GALNT7: variants seen among roughly 807,000 people sequenced by gnomAD.
GALNT7 encodes the protein N-acetylgalactosaminyltransferase 7.
GALNT7 carries 60 observed loss-of-function variants against 82.1 expected under a neutral mutation model. The ratio of observed to expected loss-of-function variants is 0.73; its 90% CI spans 0.59 to 0.91. The LOEUF (loss-of-function observed/expected upper bound fraction) is 0.91, where lower values mean the gene tolerates loss of function less well. Among genes scored for constraint, GALNT7 ranks in the 40% least tolerant of loss-of-function variants. The pLI, the probability that GALNT7 is intolerant of heterozygous loss-of-function variation, is 0.00. For missense variants in GALNT7, 660 were observed against 804.2 expected (o/e 0.82, Z 2.17); for synonymous variants, 243 against 275.1 (o/e 0.88, Z 1.15).
At chr4:173,213,013 G>C (rs990696130) in intron 1 of GALNT7, among the ~76,000 whole-genome samples, 3 of 152,084 alleles carry the variant, frequency 2.0e-5, no homozygotes, top group African/African-American at 4.8e-5. Flanking sequence ...ACAAATGGAT[G>C]TAATTGTATA....
At chr4:173,185,770 TTGTA>T (rs1382549688) in intron 1 of GALNT7, among the ~76,000 whole-genome samples, 2 of 152,168 alleles carry the variant, frequency 1.3e-5, no homozygotes, top group Non-Finnish European at 2.9e-5. Context: ...AGTCTGCAGT[TTGTA>T]TGAACCGTGT....
rs185400725 is a variant in GALNT7, at chr4:173,224,966, A to G, written c.127-23014A>G. Among the ~76,000 whole-genome samples, 1,450 of 151,470 alleles carry G rather than the reference A, an allele frequency of 9.6e-3. 26 individuals carry two copies. Among genetic ancestry groups the G allele is most frequent in the Non-Finnish European group, 7.9e-3 (535 of 67,858 alleles). On this transcript the variant is annotated intron_variant, in intron 1 of 11. Transcript: ENST00000265000. ...GGAGGCGGAGCTTGCAGTGAGCCGAAATTGTGCCACTGCACTCTAGCCTGG... is the reference window on the plus strand; with the variant it reads ...GGAGGCGGAGCTTGCAGTGAGCCGAGATTGTGCCACTGCACTCTAGCCTGG...
intron 1 of GALNT7, among the ~76,000 whole-genome samples, chr4:173,218,351 A>G (rs1733536273): frequency 6.6e-6 from 1 of 152,232 alleles, no homozygotes; most frequent in East Asian, 1.9e-4. Flanking sequence ...TCCAATTGAA[A>G]AAACGTGAGA....
intron 2 of GALNT7, among the ~76,000 whole-genome samples, chr4:173,287,472 C>G (rs1158138367): frequency 2.0e-5 from 3 of 152,244 alleles, no homozygotes; most frequent in Non-Finnish European, 4.4e-5. Context: ...AGGGGTAGTG[C>G]AGACTTGAAG....
chr4:173,224,996 C>T (rs1386564110), intron 1 of GALNT7, among the ~76,000 whole-genome samples: 1 of 148,538 alleles, frequency 6.7e-6, no homozygotes, highest in Non-Finnish European at 1.5e-5. Context: ...GCCTGGACGA[C>T]AGAGCGAGAC....
At chr4:173,215,381 C>CAAT (rs1733412491) in intron 1 of GALNT7, among the ~76,000 whole-genome samples, 1 of 152,060 alleles carries the variant, frequency 6.6e-6, no homozygotes, top group African/African-American at 2.4e-5. Context: ...CAGGCGTGTG[C>CAAT]CACCATGCCT....
At chr4:173,182,891 C>T (rs956177705) in intron 1 of GALNT7, among the ~76,000 whole-genome samples, 4 of 137,974 alleles carry the variant, frequency 2.9e-5, no homozygotes, top group Non-Finnish European at 4.6e-5. Context: ...GATAACCAAA[C>T]CTTTGAATGA....
intron 2 of GALNT7, among the ~76,000 whole-genome samples, chr4:173,291,235 T>C (rs1234096485): frequency 6.6e-6 from 1 of 152,204 alleles, no homozygotes; most frequent in Non-Finnish European, 1.5e-5. Context: ...CCATCTGGGT[T>C]ATAGTTTGTT....
At chr4:173,245,926 T>C (rs1018511683) in intron 1 of GALNT7, among the ~76,000 whole-genome samples, 2 of 152,192 alleles carry the variant, frequency 1.3e-5, no homozygotes, top group African/African-American at 4.8e-5. Flanking sequence ...AAGCTAAGTC[T>C]CTGAGGTGGG....
rs138395203 is a variant in GALNT7, at chr4:173,271,166, G to T, written c.588-20942G>T. ...ACGAAAATTTGGTCTAATTCTGTTA[G>T]TAAGTTGACATTGTTGTTCTGGGGA... is the stretch of plus-strand genomic sequence containing the variant. On this transcript the variant is annotated intron_variant, in intron 2 of 11. Transcript: ENST00000265000. Among the ~76,000 whole-genome samples, 631 of 152,296 alleles carry T rather than the reference G, an allele frequency of 4.1e-3. 2 individuals carry two copies. The highest frequency in any genetic ancestry group is 0.014 in the African/African-American group (596 of 41,552).
At chr4:173,273,133 G>A (rs1434621980) in intron 2 of GALNT7, among the ~76,000 whole-genome samples, 3 of 152,216 alleles carry the variant, frequency 2.0e-5, no homozygotes, top group Non-Finnish European at 2.9e-5. Flanking sequence ...TTTTGGAAAT[G>A]TAAGTCCTCC....
chr4:173,279,453 G>A (rs1450228039), intron 2 of GALNT7, among the ~76,000 whole-genome samples: 1 of 152,180 alleles, frequency 6.6e-6, no homozygotes, highest in Non-Finnish European at 1.5e-5. Flanking sequence ...CATGAGATTT[G>A]TGGGGGGCAA....
intron 1 of GALNT7, among the ~76,000 whole-genome samples, chr4:173,238,324 T>C (rs1260531905): frequency 6.6e-6 from 1 of 152,252 alleles, no homozygotes; most frequent in Non-Finnish European, 1.5e-5. Context: ...TTGTGTAATT[T>C]ATGATATCTC....
intron 1 of GALNT7, among the ~76,000 whole-genome samples, chr4:173,236,688 C>T (rs1243792636): frequency 1.3e-5 from 2 of 152,308 alleles, no homozygotes; most frequent in African/African-American, 4.8e-5. Context: ...CCTTACATCC[C>T]CACCGCCTAT....
chr4:173,309,817 A>T (rs1737310914), intron 8 of GALNT7, among the ~76,000 whole-genome samples: 1 of 152,234 alleles, frequency 6.6e-6, no homozygotes, highest in Non-Finnish European at 1.5e-5. Context: ...GTGATAAAAC[A>T]AAAATAGCAC....
chr4:173,216,839 T>A (rs895903049), intron 1 of GALNT7, among the ~76,000 whole-genome samples: 11 of 147,616 alleles, frequency 7.5e-5, no homozygotes, highest in African/African-American at 2.5e-4. Flanking sequence ...CAAGTGATTC[T>A]CCTGTCTCAG....
chr4:173,278,041 T>C (rs1685178276), intron 2 of GALNT7, among the ~76,000 whole-genome samples: 2 of 152,210 alleles, frequency 1.3e-5, no homozygotes, highest in African/African-American at 2.4e-5. Context: ...TACTACCTTA[T>C]ATTTTTCAAA....
intron 1 of GALNT7, among the ~76,000 whole-genome samples, chr4:173,172,112 G>T (rs891561202): frequency 6.6e-6 from 1 of 152,206 alleles, no homozygotes; most frequent in Non-Finnish European, 1.5e-5. Context: ...GGAACGGAAG[G>T]AAGTACACTT....
intron 1 of GALNT7, among the ~76,000 whole-genome samples, chr4:173,183,889 G>GCTGCCGGGTGGAGGGGCTCCTCACTT (rs1229626284): frequency 1.3e-5 from 2 of 151,352 alleles, no homozygotes; most frequent in African/African-American, 4.9e-5. Flanking sequence ...AGACGGGGCG[G>GCTGCCGGGTGGAGGGGCTCCTCACTT]CTGCCGGGTG....
Sources: allele counts gnomAD v4.1 joint callset (sites outside exome capture counted in the v4.1 genomes callset), GRCh38; gene constraint gnomAD v4.1.1; transcripts MANE v1.5; gene names NCBI Gene and HGNC (gene_info 2026-07-23, HGNC 2026-07-21).